The following SAMD5 variants were observed in gnomAD, a reference collection of about 807,000 sequenced individuals.
The protein encoded by SAMD5 is sterile alpha motif domain containing 5.
A neutral mutation model predicts 11.3 loss-of-function variants in SAMD5; 13 were observed. The ratio of observed to expected loss-of-function variants is 1.15; its 90% CI spans 0.75 to 1.83. SAMD5 has a LOEUF of 1.83. Ranked by LOEUF, SAMD5 falls within the 40% of genes most tolerant of loss-of-function variation. SAMD5 has a pLI of 0.00. For missense variants in SAMD5, 255 were observed against 239.1 expected (o/e 1.07, Z -0.44); for synonymous variants, 129 against 111.3 (o/e 1.16, Z -1.00).
chr6:147,773,236 A>G, the SAMD5 span, among the ~76,000 whole-genome samples: 2 of 152,182 alleles, frequency 1.3e-5, no homozygotes, highest in African/African-American at 2.4e-5. Context: ...ACAATGATTC[A>G]TCTCTCAGTT....
At chr6:147,912,328 C>T in the SAMD5 span, among the ~76,000 whole-genome samples, 1 of 152,126 alleles carries the variant, frequency 6.6e-6, no homozygotes, top group Admixed American at 6.5e-5. Flanking sequence ...ACATATGAAT[C>T]ATTTAAAATT....
intron 1 of SAMD5, among the ~76,000 whole-genome samples, chr6:147,639,715 CATCT>C (rs1790281789): frequency 6.6e-6 from 1 of 152,208 alleles, no homozygotes; most frequent in African/African-American, 2.4e-5. Flanking sequence ...GTTTCCTCTG[CATCT>C]TTCTTTGGGA....
intron 1 of SAMD5, among the ~76,000 whole-genome samples, chr6:147,604,125 G>A (rs1268136942): frequency 2.6e-5 from 4 of 151,820 alleles, no homozygotes; most frequent in South Asian, 4.1e-4. Flanking sequence ...GAAGACTGAC[G>A]ACTAGAAAAA....
chr6:147,827,725 C>A, the SAMD5 span, among the ~76,000 whole-genome samples: 2 of 152,164 alleles, frequency 1.3e-5, no homozygotes, highest in Admixed American at 1.3e-4. Context: ...GAAAATGCTT[C>A]CCGAATATAG....
At chr6:147,623,627 G>C (rs1790004959) in intron 1 of SAMD5, among the ~76,000 whole-genome samples, 1 of 152,114 alleles carries the variant, frequency 6.6e-6, no homozygotes, top group Non-Finnish European at 1.5e-5. Context: ...ACTTGCAACA[G>C]TTCTTTCTAA....
chr6:147,905,283 G>C, the SAMD5 span, among the ~76,000 whole-genome samples: 1 of 152,050 alleles, frequency 6.6e-6, no homozygotes, highest in Non-Finnish European at 1.5e-5. Context: ...CCAGGTTCAA[G>C]TGATTGTCCT....
intron 1 of SAMD5, among the ~76,000 whole-genome samples, chr6:147,590,477 A>T (rs928467772): frequency 2.0e-5 from 3 of 152,098 alleles, no homozygotes; most frequent in Admixed American, 2.0e-4. Context: ...CAGTGGCATG[A>T]TCTCAGCTCA....
At chr6:147,887,234 T>C in the SAMD5 span, among the ~76,000 whole-genome samples, 1 of 152,200 alleles carries the variant, frequency 6.6e-6, no homozygotes, top group Non-Finnish European at 1.5e-5. Flanking sequence ...AAATTCGGAC[T>C]ACATATACAC....
the SAMD5 span, among the ~76,000 whole-genome samples, chr6:147,924,416 A>G: frequency 1.3e-5 from 2 of 152,176 alleles, no homozygotes; most frequent in Non-Finnish European, 2.9e-5. Context: ...ACCAAGTTAT[A>G]AAGAGTCTTC....
In SAMD5 at chr6:147,568,265, T is replaced by C. The variant is rs1789076167; in HGVS notation, c.*3809T>C. ...ATACCAGGGACTGGAAAGCACCTGC[T>C]TGAAAATTGATATGAGCATGTCTGA... On this transcript the variant is annotated 3_prime_UTR_variant, in exon 2 of 2. Coordinates refer to ENST00000367474, the MANE Select transcript of SAMD5 (RefSeq NM_001030060.3). The C allele has an allele frequency of 2.0e-6, 2 of 985,438 alleles. No individual in the cohort carries two copies. The highest frequency in any genetic ancestry group is 2.4e-6 in the Non-Finnish European group (2 of 829,932). The allele number at this position is 985,438 out of a possible 1,614,324, so 61.0% of individuals were successfully genotyped here.
intron 1 of SAMD5, among the ~76,000 whole-genome samples, chr6:147,665,945 T>C (rs998631351): frequency 5.3e-5 from 8 of 152,202 alleles, no homozygotes; most frequent in Admixed American, 4.6e-4. Flanking sequence ...TGAGTGTGTG[T>C]GTGTTTGTTT....
chr6:147,892,130 T>C, the SAMD5 span, among the ~76,000 whole-genome samples: 25,595 of 152,166 alleles, frequency 0.17, 2,605 homozygotes, highest in Non-Finnish European at 0.23. Context: ...TCTCCCTCTC[T>C]TCCTGTCTCC....
intron 1 of SAMD5, among the ~76,000 whole-genome samples, chr6:147,707,284 T>C (rs371600130): frequency 2.6e-5 from 4 of 152,368 alleles, no homozygotes; most frequent in African/African-American, 9.6e-5. Flanking sequence ...GAGTTGATGC[T>C]AGACTGATTT....
At chr6:147,760,727 A>G in the SAMD5 span, among the ~76,000 whole-genome samples, 3 of 152,210 alleles carry the variant, frequency 2.0e-5, no homozygotes, top group Non-Finnish European at 4.4e-5. Context: ...GTCAGTATCT[A>G]GAAGTGATCT....
At chr6:147,639,108 A>G (rs1238654383) in intron 1 of SAMD5, among the ~76,000 whole-genome samples, 1 of 152,204 alleles carries the variant, frequency 6.6e-6, no homozygotes, top group African/African-American at 2.4e-5. Flanking sequence ...AATTGCGAGT[A>G]CTTGGCAAAT....
At chr6:147,555,221 G>A (rs1226160104) in intron 1 of SAMD5, among the ~76,000 whole-genome samples, 1 of 152,212 alleles carries the variant, frequency 6.6e-6, no homozygotes, top group Non-Finnish European at 1.5e-5. Context: ...GCAAATGGAC[G>A]TGTATGTAAA....
chr6:147,638,536 T>C (rs898864295), intron 1 of SAMD5, among the ~76,000 whole-genome samples: 1 of 152,198 alleles, frequency 6.6e-6, no homozygotes, highest in Admixed American at 6.5e-5. Context: ...TGATGTTTTC[T>C]CATCTCCTGA....
chr6:147,646,389 C>T lies in SAMD5; in HGVS notation c.163-90928C>T, dbSNP rs116105799. Among the ~76,000 whole-genome samples the T allele has an allele frequency of 3.1e-3, 478 of 152,176 alleles. 2 individuals carry two copies. The highest frequency in any genetic ancestry group is 0.011 in the African/African-American group (448 of 41,554). On this transcript the variant is annotated intron_variant, in intron 1 of 1. Coordinates refer to the SAMD5 transcript ENST00000566741. Reference sequence around the variant, plus strand: ...TATGCTTCATGGATTCTTAAATATTCAATCCTTCTTGACCTGTTCGGTTTC... The same window carrying T: ...TATGCTTCATGGATTCTTAAATATTTAATCCTTCTTGACCTGTTCGGTTTC...
At chr6:147,510,174 G>T (rs1467199784) in intron 1 of SAMD5, among the ~76,000 whole-genome samples, 1 of 152,170 alleles carries the variant, frequency 6.6e-6, no homozygotes, top group Non-Finnish European at 1.5e-5. Context: ...GAGGAGGACC[G>T]AGCACAAGTG....
Sources: allele counts gnomAD v4.1 joint callset (sites outside exome capture counted in the v4.1 genomes callset), GRCh38; gene constraint gnomAD v4.1.1; transcripts MANE v1.5; gene names NCBI Gene and HGNC (gene_info 2026-07-23, HGNC 2026-07-21).